The following EXOC6B variants were observed in gnomAD, a reference collection of about 807,000 sequenced individuals.
The protein encoded by EXOC6B is exocyst complex component 6B.
A neutral mutation model predicts 113.5 loss-of-function variants in EXOC6B; 54 were observed. That is an observed-to-expected ratio of 0.48 (90% CI 0.38 to 0.60). The LOEUF (loss-of-function observed/expected upper bound fraction) is 0.60, where lower values mean the gene tolerates loss of function less well. EXOC6B is among the 20% of genes least tolerant of loss of function. The pLI is 0.00. For synonymous variants in EXOC6B, 357 were observed against 339.0 expected, an observed-to-expected ratio of 1.05 and a Z score of -0.58; for missense variants, 797 against 977.5, an observed-to-expected ratio of 0.82 and a Z score of 2.46.
intron 1 of EXOC6B, among the ~76,000 whole-genome samples, chr2:72,816,904 A>G (rs1371616815): frequency 6.6e-6 from 1 of 152,232 alleles, no homozygotes; most frequent in Non-Finnish European, 1.5e-5. Flanking sequence ...AAAATCAAAC[A>G]CAGAGCCCAT....
chr2:72,695,084 G>T lies in EXOC6B; in HGVS notation c.669+23019C>A, dbSNP rs868238163. On this transcript the variant is annotated intron_variant, in intron 6 of 21. Coordinates refer to ENST00000272427, the MANE Select transcript of EXOC6B (RefSeq NM_015189.3). ...GTCAACACAGGCACACTGCCAACCA[G>T]GGGAGAGGTTACAGGGTCAAAGCGG... Among the ~76,000 whole-genome samples the T allele has an allele frequency of 7.2e-5, 11 of 152,346 alleles. No individual in the cohort carries two copies. The Middle Eastern group carries it at 0.01, about 141-fold the overall frequency.
intron 18 of EXOC6B, among the ~76,000 whole-genome samples, chr2:72,442,854 C>T (rs1001347311): frequency 6.6e-6 from 1 of 152,092 alleles, no homozygotes; most frequent in Non-Finnish European, 1.5e-5. Flanking sequence ...CATTAAACTG[C>T]CATTGACATT....
At chr2:72,775,519 C>G (rs1683643685) in intron 1 of EXOC6B, among the ~76,000 whole-genome samples, 1 of 152,040 alleles carries the variant, frequency 6.6e-6, no homozygotes. Context: ...AGAAACAGCC[C>G]AGGTGTTCAA....
rs111253259 is a variant in EXOC6B at position 72,737,353 on chromosome 2, TA to T, written c.279+3950del. On this transcript the variant is annotated intron_variant, in intron 2 of 21. Coordinates refer to ENST00000272427, the MANE Select transcript of EXOC6B (RefSeq NM_015189.3). ...AGTGAGACTCTGCCTCAAAAAAAATTAAAAAAAAAAAAGTTCTTTAATATAC... is the reference window on the plus strand; with the variant it reads ...AGTGAGACTCTGCCTCAAAAAAAATTAAAAAAAAAAAGTTCTTTAATATAC... 6.3e-4 allele frequency among the ~76,000 whole-genome samples: 90 copies of T among 143,486 alleles called. 2 individuals carry two copies. The highest frequency in any genetic ancestry group is 1.0e-3 in the East Asian group (5 of 4,984). 94.1% of individuals were successfully genotyped at this position (143,486 alleles called of 152,430 possible).
At chr2:72,215,981 A>G (rs1209362854) in intron 20 of EXOC6B, among the ~76,000 whole-genome samples, 4 of 152,156 alleles carry the variant, frequency 2.6e-5, no homozygotes, top group African/African-American at 4.8e-5. Flanking sequence ...TGAATGGAAT[A>G]AAAAACAAAC....
intron 20 of EXOC6B, among the ~76,000 whole-genome samples, chr2:72,185,327 C>A (rs902373453): frequency 2.0e-5 from 3 of 152,264 alleles, no homozygotes; most frequent in African/African-American, 7.2e-5. Context: ...TCTAGGCACA[C>A]CTTCCTCCAT....
chr2:72,191,745 T>C (rs1678846851), intron 20 of EXOC6B, among the ~76,000 whole-genome samples: 1 of 152,178 alleles, frequency 6.6e-6, no homozygotes, highest in Non-Finnish European at 1.5e-5. Flanking sequence ...AGGAATGACC[T>C]TAGGAATGCG....
chr2:72,729,412 A>ATTTT (rs547305397), intron 5 of EXOC6B, among the ~76,000 whole-genome samples: 2 of 133,308 alleles, frequency 1.5e-5, no homozygotes, highest in Admixed American at 7.6e-5. Context: ...TACACAGGTG[A>ATTTT]TTTTTTTTTT....
At chr2:72,738,849 A>AC (rs901109585) in intron 2 of EXOC6B, among the ~76,000 whole-genome samples, 3 of 152,120 alleles carry the variant, frequency 2.0e-5, no homozygotes, top group African/African-American at 7.2e-5. Flanking sequence ...GGTGGTACAC[A>AC]CCTGTAGTCC....
intron 6 of EXOC6B, among the ~76,000 whole-genome samples, chr2:72,695,216 T>C (rs1172992404): frequency 6.6e-6 from 1 of 152,168 alleles, no homozygotes; most frequent in Non-Finnish European, 1.5e-5. Flanking sequence ...ATAAGAGAAG[T>C]AGCTGAGAGT....
At chr2:72,383,745 C>G (rs546045801) in intron 18 of EXOC6B, among the ~76,000 whole-genome samples, 31 of 152,004 alleles carry the variant, frequency 2.0e-4, no homozygotes, top group Non-Finnish European at 4.1e-4. Context: ...ATGGAATAAA[C>G]CAAAATGCCC....
chr2:72,367,945 G>C (rs1211691488), intron 19 of EXOC6B, among the ~76,000 whole-genome samples: 2 of 152,146 alleles, frequency 1.3e-5, no homozygotes, highest in Non-Finnish European at 2.9e-5. Flanking sequence ...CTGCGGTCTT[G>C]AGTAAACTTG....
intron 16 of EXOC6B, among the ~76,000 whole-genome samples, chr2:72,489,704 A>G (rs775437963): frequency 4.6e-5 from 7 of 152,194 alleles, no homozygotes; most frequent in Non-Finnish European, 5.9e-5. Context: ...CCAATACTCA[A>G]TTACACTTTT....
intron 1 of EXOC6B, among the ~76,000 whole-genome samples, chr2:72,810,898 A>C (rs2105126614): frequency 6.6e-6 from 1 of 152,056 alleles, no homozygotes; most frequent in South Asian, 2.1e-4. Context: ...AAAGTACAAA[A>C]AGTGGTGGCA....
intron 20 of EXOC6B, among the ~76,000 whole-genome samples, chr2:72,296,461 T>G (rs1335630074): frequency 6.6e-6 from 1 of 152,168 alleles, no homozygotes; most frequent in African/African-American, 2.4e-5. Context: ...GATAATTCAT[T>G]ATTTATTGAG....
intron 1 of EXOC6B, among the ~76,000 whole-genome samples, chr2:72,800,413 C>T (rs1292413514): frequency 1.3e-5 from 2 of 151,928 alleles, no homozygotes; most frequent in Non-Finnish European, 2.9e-5. Context: ...GAAAGTTATG[C>T]CATTCTGCCT....
At chr2:72,413,696 A>AAG (rs1310791905) in intron 18 of EXOC6B, among the ~76,000 whole-genome samples, 1 of 111,350 alleles carries the variant, frequency 9.0e-6, no homozygotes, top group African/African-American at 4.6e-5. Context: ...AAGAAAAAAA[A>AAG]AAAAAGAAAA....
At chr2:72,806,838 G>T (rs566008941) in intron 1 of EXOC6B, among the ~76,000 whole-genome samples, 1 of 152,014 alleles carries the variant, frequency 6.6e-6, no homozygotes, top group South Asian at 2.1e-4. Context: ...GTCTTCTTTC[G>T]AAAAGTGTTC....
intron 6 of EXOC6B, among the ~76,000 whole-genome samples, chr2:72,698,530 A>G (rs547928844): frequency 1.3e-5 from 2 of 152,372 alleles, no homozygotes; most frequent in Admixed American, 1.3e-4. Flanking sequence ...AACTATTTCA[A>G]GTCAAAATTA....
Sources: allele counts gnomAD v4.1 joint callset (sites outside exome capture counted in the v4.1 genomes callset), GRCh38; gene constraint gnomAD v4.1.1; transcripts MANE v1.5; gene names NCBI Gene and HGNC (gene_info 2026-07-23, HGNC 2026-07-21).